Variants in HTT observed in about 807,000 individuals in gnomAD.
HTT encodes huntington disease protein.
Under a neutral mutation model 362.3 loss-of-function variants are expected in HTT, and 104 were observed. The observed-to-expected ratio is 0.29, with a 90% confidence interval of 0.24 to 0.34. The LOEUF (loss-of-function observed/expected upper bound fraction) is 0.34, where lower values mean the gene tolerates loss of function less well. Among genes scored for constraint, HTT ranks in the 10% least tolerant of loss-of-function variants. HTT has a pLI of 1.00. For missense variants in HTT, 3,301 were observed against 3,928.6 expected, an observed-to-expected ratio of 0.84 and a Z score of 4.27; for synonymous variants, 1,577 against 1,548.7, an observed-to-expected ratio of 1.02 and a Z score of -0.43.
intron 16 of HTT, among the ~76,000 whole-genome samples, chr4:3,132,318 C>T (rs1715860375): frequency 6.6e-6 from 1 of 152,030 alleles, no homozygotes. Context: ...ATCTGACAAC[C>T]TAGAATTATA....
rs763596808 is a variant in HTT at position 3,107,398 on chromosome 4, A to G, written c.722A>G (p.Asn241Ser). Residue 241 changes from asparagine to serine, a missense_variant, in exon 6 of 67, where the codon AAT becomes AGT. Asn to Ser is a conservative substitution (Grantham distance 46). Coordinates refer to ENST00000355072, the MANE Select transcript of HTT (RefSeq NM_001388492.1). ...AVPKIMASFG[N>S]FANDNEIKVL... The stretch of plus-strand genomic sequence containing the variant: ...CCCAAAATTATGGCTTCTTTTGGCA[A>G]TTTTGCAAATGACAATGAAATTAAG... 83 of 1,614,044 alleles carry G rather than the reference A, an allele frequency of 5.1e-5. No individual in the cohort carries two copies. Among genetic ancestry groups the G allele is most frequent in the East Asian group, 2.7e-4 (12 of 44,898 alleles).
rs116010994 is a variant in HTT, at chr4:3,090,617, C to T, written c.347+3595C>T. Among the ~76,000 whole-genome samples, 999 of 152,180 alleles carry T rather than the reference C, an allele frequency of 6.6e-3. 13 individuals are homozygous for T. Among genetic ancestry groups the T allele is most frequent in the African/African-American group, 0.023 (939 of 41,524 alleles). ...GAACTCTAAGGAATCGATAAATATG[C>T]AAAAACTTTATAAAAACTTCTGTTA... is the stretch of plus-strand genomic sequence containing the variant. On this transcript the variant is annotated intron_variant, in intron 2 of 66. Coordinates refer to ENST00000355072, the MANE Select transcript of HTT (RefSeq NM_001388492.1).
At chr4:3,170,171 G>T (rs1302002543) in intron 29 of HTT, among the ~76,000 whole-genome samples, 1 of 152,062 alleles carries the variant, frequency 6.6e-6, no homozygotes, top group Non-Finnish European at 1.5e-5. Context: ...ATATATTTTT[G>T]TGTTCCCATA....
In HTT at chr4:3,199,690, C is replaced by A; in HGVS notation, c.5369-42C>A. 3 of 1,576,218 alleles carry A rather than the reference C, an allele frequency of 1.9e-6. No individual in the cohort carries two copies. In the South Asian group the frequency reaches 3.3e-5, roughly 17 times the overall value. Reference sequence around the variant, plus strand: ...TTCGCGTAGCCATGTGGCACTGGACCGAGATGAAAGCAAAGACATTTCTCC... The same window carrying A: ...TTCGCGTAGCCATGTGGCACTGGACAGAGATGAAAGCAAAGACATTTCTCC... On this transcript the variant is annotated intron_variant, in intron 40 of 66. Coordinates refer to ENST00000355072, the MANE Select transcript of HTT (RefSeq NM_001388492.1).
chr4:3,186,464 A>G lies in HTT; in HGVS notation c.4867-133A>G, dbSNP rs1210146446. 3 of 969,158 alleles carry G rather than the reference A, an allele frequency of 3.1e-6. No individual in the cohort carries two copies. The East Asian group carries it at 7.6e-5, about 24-fold the overall frequency. 60.0% of individuals were successfully genotyped at this position (969,158 alleles called of 1,614,324 possible). ...TTTGCTTGGTTCACCACTGAACTTA[A>G]AATGCTTTTAAATGAGGGAAGGTGA... is the stretch of plus-strand genomic sequence containing the variant. On this transcript the variant is annotated intron_variant, in intron 37 of 66. Transcript: ENST00000355072.
chr4:3,204,990 A>G (rs1719786515), intron 42 of HTT, among the ~76,000 whole-genome samples: 1 of 152,062 alleles, frequency 6.6e-6, no homozygotes, highest in Non-Finnish European at 1.5e-5. Flanking sequence ...CTCTAAAATA[A>G]TTTTTTTAAG....
rs753256322 is a variant in HTT, at chr4:3,121,212, G to A, written c.1069-16G>A. 6.9e-6 allele frequency: 11 copies of A among 1,599,406 alleles called. No homozygotes were observed. The South Asian group carries it at 1.2e-4, about 18-fold the overall frequency. On this transcript the variant is annotated splice_polypyrimidine_tract_variant and intron_variant, in intron 8 of 66. Transcript: ENST00000355072. ...TATAAACTCTGACCAGAACACCTGTGTTTCTCTGTTTCTAGGTTTATGAAC... is the reference window on the plus strand; with the variant it reads ...TATAAACTCTGACCAGAACACCTGTATTTCTCTGTTTCTAGGTTTATGAAC...
chr4:3,096,501 A>G (rs1713864355), intron 2 of HTT, among the ~76,000 whole-genome samples: 1 of 152,234 alleles, frequency 6.6e-6, no homozygotes, highest in Non-Finnish European at 1.5e-5. Flanking sequence ...AAAGCATTCA[A>G]ATTATTCAGA....
intron 1 of HTT, among the ~76,000 whole-genome samples, chr4:3,083,701 G>A (rs529651106): frequency 9.1e-4 from 139 of 151,996 alleles, no homozygotes; most frequent in African/African-American, 3.3e-3. Context: ...AATATAGTAC[G>A]GCCACTCTGG....
In HTT at chr4:3,176,025, G is replaced by GTTTTTTTTTTTT. The variant is rs777646822; in HGVS notation, c.4407+927_4407+928insTTTTTTTTTTTT. ...CTTGTTTTTTTTGTTGTTGTTGTTT[G>GTTTTTTTTTTTT]TTTTTTTTTGTTTTTTTTTTGAGAT... On this transcript the variant is annotated intron_variant, in intron 33 of 66. Transcript: ENST00000355072. Among the ~76,000 whole-genome samples the GTTTTTTTTTTTT allele has an allele frequency of 6.8e-4, 95 of 139,174 alleles. 1 individual carries two copies. Among genetic ancestry groups the GTTTTTTTTTTTT allele is most frequent in the South Asian group, 1.5e-3 (7 of 4,540 alleles). 91.3% of individuals were successfully genotyped at this position (139,174 alleles called of 152,430 possible).
In HTT at chr4:3,236,231, G is replaced by A; in HGVS notation, c.8868G>A (p.Glu2956=). The A allele has an allele frequency of 6.2e-7, 1 of 1,613,600 alleles. No individual in the cohort carries two copies. Among genetic ancestry groups the A allele is most frequent in the Non-Finnish European group, 8.5e-7 (1 of 1,179,464 alleles). ...GCGAGTCAGTGATTGTTGCTATGGAGCGGGTATCTGTTCTTTTTGATAGGT... is the reference window on the plus strand; with the variant it reads ...GCGAGTCAGTGATTGTTGCTATGGAACGGGTATCTGTTCTTTTTGATAGGT... ...PDSESVIVAM[E]RVSVLFDRIR... is the part of the protein sequence containing the mutation. The change falls in exon 64 of 67, where the codon GAG becomes GAA. Residue 2956 remains glutamate (E), a synonymous_variant. Transcript: ENST00000355072.
chr4:3,228,465 C>G lies in HTT; in HGVS notation c.7849-150C>G, dbSNP rs1051773844. On this transcript the variant is annotated intron_variant, in intron 57 of 66. Transcript: ENST00000355072. This position sits in a 1 kb window ranked among gnomAD's most constrained non-coding sequence, Gnocchi z 4.3. ...CTGCCCCACCCTCTCTGTGGGCTCC[C>G]TTGCCCGTAACCTGGGGTGTCTGAA... The G allele has an allele frequency of 5.7e-5, 45 of 790,286 alleles. No homozygotes were observed. The Admixed American group carries it at 1.4e-3, about 24-fold the overall frequency. The allele number at this position is 790,286 out of a possible 1,614,324, so 49.0% of individuals were successfully genotyped here.
chr4:3,207,080 G>C, intron 44 of HTT, 97 bp downstream of exon 44: 15 of 1,256,414 alleles, frequency 1.2e-5, no homozygotes, highest in Non-Finnish European at 1.7e-5. Context: ...GTATGGTCTT[G>C]ACATGGTCAC....
chr4:3,186,866 G>A (rs1466876775), intron 38 of HTT, 147 bp downstream of exon 38: 1 of 686,404 alleles, frequency 1.5e-6, no homozygotes, highest in South Asian at 1.9e-5. Context: ...TTTTTGGTGT[G>A]GGGGTGGTGC....
Position 3,147,924 on chromosome 4 carries a change from T to C in HTT, c.3296-81T>C, listed in dbSNP as rs910595659. On this transcript the variant is annotated intron_variant, in intron 25 of 66. Coordinates refer to ENST00000355072, the MANE Select transcript of HTT (RefSeq NM_001388492.1). The stretch of plus-strand genomic sequence containing the variant: ...TCTGGCCAACTCTCAACATAGGGTC[T>C]TAAATGACTTCAGTTCCCCAAGCAA... The C allele has an allele frequency of 2.6e-6, 3 of 1,148,546 alleles. No individual in the cohort carries two copies. In the African/African-American group the frequency reaches 4.6e-5, roughly 18 times the overall value. 71.1% of individuals were successfully genotyped at this position (1,148,546 alleles called of 1,614,324 possible).
chr4:3,086,919 CT>C lies in HTT; in HGVS notation c.264-18del. Reference sequence around the variant, plus strand: ...GGGTAATTCAACACATATTAATTTCCTTCTTTTTTTTATTTTTAGAAAGAAA... The same window carrying C: ...GGGTAATTCAACACATATTAATTTCCTCTTTTTTTTATTTTTAGAAAGAAA... On this transcript the variant is annotated intron_variant, in intron 1 of 66. Coordinates refer to ENST00000355072, the MANE Select transcript of HTT (RefSeq NM_001388492.1). 1 of 1,439,622 alleles carries C rather than the reference CT, an allele frequency of 6.9e-7. No individual in the cohort carries two copies. The highest frequency in any genetic ancestry group is 9.8e-7 in the Non-Finnish European group (1 of 1,023,838). 89.2% of individuals were successfully genotyped at this position (1,439,622 alleles called of 1,614,324 possible).
chr4:3,153,573 T>G (rs1275960794), intron 26 of HTT, among the ~76,000 whole-genome samples: 1 of 152,218 alleles, frequency 6.6e-6, no homozygotes, highest in Non-Finnish European at 1.5e-5. Flanking sequence ...AGCTGTGACC[T>G]TGAATAAGTT....
intron 6 of HTT, among the ~76,000 whole-genome samples, chr4:3,109,347 C>G (rs1288452507): frequency 8.7e-6 from 1 of 115,048 alleles, no homozygotes; most frequent in Non-Finnish European, 1.8e-5. Flanking sequence ...CTGCCTCAGC[C>G]TCCTAGTAGC....
rs1440858485 is a variant in HTT, at chr4:3,209,927, T to C, written c.6392T>C (p.Met2131Thr). Residue 2131 changes from methionine (M) to threonine (T), a missense_variant, in exon 47 of 67, where the codon ATG (methionine) becomes ACG (threonine). This residue lies in a region of HTT where 2,316 missense variants were observed against 2,658.5 expected (regional missense o/e 0.87). Transcript: ENST00000355072. ...GTGAATCGGATTCCTGCTGAAGATA[T>C]GAATGCCTTCATGATGAACTCGGTA... Reference protein sequence around the residue: ...ELVNRIPAEDMNAFMMNSEFN... With the variant: ...ELVNRIPAEDTNAFMMNSEFN... The C allele has an allele frequency of 6.2e-7, 1 of 1,614,096 alleles. No homozygotes were observed. Among genetic ancestry groups the C allele is most frequent in the East Asian group, 2.2e-5 (1 of 44,888 alleles).
Sources: allele counts gnomAD v4.1 joint callset (sites outside exome capture counted in the v4.1 genomes callset), GRCh38; gene constraint gnomAD v4.1.1; regional missense constraint gnomAD v4.1.1; non-coding constraint Gnocchi (gnomAD v3.1); transcripts MANE v1.5; gene names NCBI Gene and HGNC (gene_info 2026-07-23, HGNC 2026-07-21).